The following PLCH2 variants were observed in gnomAD, a reference collection of about 807,000 sequenced individuals.
PLCH2 encodes the protein 1-phosphatidylinositol 4,5-bisphosphate phosphodiesterase eta-2.
In PLCH2, 98 loss-of-function variants were observed where a neutral mutation model predicts 134.7. The observed-to-expected ratio is 0.73, with a 90% CI of 0.62 to 0.86. The LOEUF is 0.86. Among genes scored for constraint, PLCH2 ranks in the 40% least tolerant of loss-of-function variants. PLCH2 has a pLI of 0.00. For synonymous variants in PLCH2, 974 were observed against 827.5 expected (o/e 1.18, Z -3.04); for missense variants, 1,994 against 1,986.6 (o/e 1.00, Z -0.07).
intron 5 of PLCH2, among the ~76,000 whole-genome samples, chr1:2,486,526 G>A (rs1285685435): frequency 6.6e-6 from 1 of 152,196 alleles, no homozygotes; most frequent in African/African-American, 2.4e-5. Context: ...ACAGTGGGAG[G>A]GGCTGGATGA....
intron 16 of PLCH2, chr1:2,497,966 G>A: frequency 3.4e-6 from 1 of 293,420 alleles, no homozygotes; most frequent in Non-Finnish European, 6.4e-6. Context: ...CCTGGGTCTG[G>A]GCTGGGTGTT....
Position 2,484,522 on chromosome 1 carries a change from C to A in PLCH2, c.720C>A (p.Thr240=). ...GTGCCTTCTACAAGATGATGTCCAC[C>A]CGCCGGGACCTCTACCTGCTCATGC... is the stretch of plus-strand genomic sequence containing the variant. ...EFCAFYKMMS[T]RRDLYLLMLT... Residue 240 remains threonine, a synonymous_variant, in exon 5 of 22, where the codon ACC becomes ACA. Coordinates refer to ENST00000378486, the MANE Select transcript of PLCH2 (RefSeq NM_014638.4). 6.2e-7 allele frequency: 1 copy of A among 1,613,338 alleles called. No homozygotes were observed. Among genetic ancestry groups the A allele is most frequent in the Non-Finnish European group, 8.5e-7 (1 of 1,179,792 alleles).
intron 2 of PLCH2, among the ~76,000 whole-genome samples, chr1:2,450,402 G>A (rs926931510): frequency 2.3e-4 from 35 of 151,940 alleles, no homozygotes; most frequent in Non-Finnish European, 4.7e-4. Flanking sequence ...GGGCTGGGCC[G>A]TCTGGGATGT....
At chr1:2,470,567 G>A (rs1161529710) in intron 1 of PLCH2, among the ~76,000 whole-genome samples, 2 of 152,308 alleles carry the variant, frequency 1.3e-5, no homozygotes, top group East Asian at 1.9e-4. Flanking sequence ...GCCCCGTGCC[G>A]GGACGGATGT....
Position 2,444,830 on chromosome 1 carries a change from C to T in PLCH2, c.115+14201C>T, listed in dbSNP as rs899728311. On this transcript the variant is annotated intron_variant, in intron 2 of 3. Coordinates refer to the PLCH2 transcript ENST00000609981. The surrounding 1 kb of genome is among the most constrained non-coding windows in gnomAD (Gnocchi z 4.6). Reference sequence around the variant, plus strand: ...TCGGTGTCCCCTTCGTCCCCTGACACGTTGGTCTGGGGAGGCGGGGTCACG... The same window carrying T: ...TCGGTGTCCCCTTCGTCCCCTGACATGTTGGTCTGGGGAGGCGGGGTCACG... 6.6e-6 allele frequency among the ~76,000 whole-genome samples: 1 copy of T among 152,012 alleles called. No homozygotes were observed. Among genetic ancestry groups the T allele is most frequent in the Non-Finnish European group, 1.5e-5 (1 of 67,998 alleles).
chr1:2,474,586 G>A (rs1220259845), upstream of PLCH2, among the ~76,000 whole-genome samples: 2 of 152,164 alleles, frequency 1.3e-5, no homozygotes, highest in Non-Finnish European at 2.9e-5. Flanking sequence ...CCCAGCTGAT[G>A]GGGGATCAGC....
chr1:2,484,918 G>A (rs4648639), intron 5 of PLCH2, among the ~76,000 whole-genome samples: 87,210 of 151,950 alleles, frequency 0.57, 25,391 homozygotes, highest in East Asian at 0.78. Context: ...AGGGGCCCCT[G>A]AATGGCTTGG....
upstream of PLCH2, among the ~76,000 whole-genome samples, chr1:2,425,409 G>C (rs1462126759): frequency 1.3e-5 from 2 of 152,172 alleles, no homozygotes; most frequent in African/African-American, 2.4e-5. Context: ...CGGCTGTTGT[G>C]AACAGTGTGG....
rs956753305 is a variant in PLCH2, at chr1:2,504,904, C to T, written c.3942C>T (p.Asp1314=). ...TCACTGTCTTCCAGCAGGCAGGAGA[C>T]ATCACGTCACCCACCAGCCTGGGCC... is the stretch of plus-strand genomic sequence containing the variant. ...RWLTVFQQAG[D]ITSPTSLGPA... is the part of the protein sequence containing the mutation. The change falls in exon 22 of 22, where the codon GAC becomes GAT. Residue 1314 remains aspartate, a synonymous_variant. Coordinates refer to ENST00000378486, the MANE Select transcript of PLCH2 (RefSeq NM_014638.4). 6.3e-7 allele frequency: 1 copy of T among 1,582,234 alleles called. No homozygotes were observed. Among genetic ancestry groups the T allele is most frequent in the African/African-American group, 1.3e-5 (1 of 74,536 alleles).
chr1:2,453,844 G>A (rs1215848598), intron 2 of PLCH2, among the ~76,000 whole-genome samples: 3 of 152,198 alleles, frequency 2.0e-5, no homozygotes, highest in East Asian at 3.9e-4. Flanking sequence ...ATGGCTTCCA[G>A]GGTCCCCAGG....
rs1639864206 is a variant in PLCH2, at chr1:2,444,776, G to A, written c.115+14147G>A. ...CCACTGGAACTGCCCTTCCCCCATG[G>A]CCTTCTCCCTCCAGGAGAATGGACC... On this transcript the variant is annotated intron_variant, in intron 2 of 3. Coordinates refer to the PLCH2 transcript ENST00000609981. The surrounding 1 kb of genome is among the most constrained non-coding windows in gnomAD (Gnocchi z 4.6). Among the ~76,000 whole-genome samples, 1 of 151,964 alleles carries A rather than the reference G, an allele frequency of 6.6e-6. No homozygotes were observed. Among genetic ancestry groups the A allele is most frequent in the African/African-American group, 2.4e-5 (1 of 41,350 alleles).
At chr1:2,489,181 C>G in intron 8 of PLCH2, 26 bp from the exon 9 acceptor site, 1 of 1,609,776 alleles carries the variant, frequency 6.2e-7, no homozygotes, top group Non-Finnish European at 8.5e-7. Context: ...TGGCCTCATC[C>G]TGCTCTTTCT....
chr1:2,431,071 C>A (rs1353118208), intron 2 of PLCH2, among the ~76,000 whole-genome samples: 4 of 152,170 alleles, frequency 2.6e-5, no homozygotes, highest in Non-Finnish European at 5.9e-5. Flanking sequence ...TGGAGCTGGT[C>A]CCCTGAGCTC....
chr1:2,492,340 TTTA>T (rs1463906864), intron 11 of PLCH2: 1 of 152,244 alleles, frequency 6.6e-6, no homozygotes. Context: ...GAGGCGTTCC[TTTA>T]TTTTTATCCC....
chr1:2,419,856 C>T, the PLCH2 span, among the ~76,000 whole-genome samples: 2 of 152,088 alleles, frequency 1.3e-5, no homozygotes, highest in Admixed American at 6.5e-5. Context: ...GACCCTCAAG[C>T]CAGCCCTGGG....
At chr1:2,503,082 C>A in intron 21 of PLCH2, 1 of 701,564 alleles carries the variant, frequency 1.4e-6, no homozygotes, top group Non-Finnish European at 2.6e-6. Flanking sequence ...GCCTGTGGCC[C>A]ATAGCCCCAG....
intron 1 of PLCH2, among the ~76,000 whole-genome samples, chr1:2,469,504 C>T (rs1243392129): frequency 6.6e-6 from 1 of 152,232 alleles, no homozygotes; most frequent in Non-Finnish European, 1.5e-5. Context: ...ACGATGGCGT[C>T]CCAGTTCCTG....
chr1:2,504,871 G>A lies in PLCH2; in HGVS notation c.3909G>A (p.Leu1303=), dbSNP rs1215056690. ...GVRRDTLTEQ[L]RWLTVFQQAG... is the part of the protein sequence containing the mutation. ...GACGGGACACCCTGACAGAGCAGCTGCGCTGGCTCACTGTCTTCCAGCAGG... is the reference window on the plus strand; with the variant it reads ...GACGGGACACCCTGACAGAGCAGCTACGCTGGCTCACTGTCTTCCAGCAGG... Residue 1303 remains leucine, a synonymous_variant, in exon 22 of 22, where the codon CTG becomes CTA. Coordinates refer to ENST00000378486, the MANE Select transcript of PLCH2 (RefSeq NM_014638.4). 4 of 1,595,104 alleles carry A rather than the reference G, an allele frequency of 2.5e-6. No homozygotes were observed. The highest frequency in any genetic ancestry group is 1.7e-4 in the Middle Eastern group (1 of 6,014).
Position 2,479,671 on chromosome 1 carries a change from G to A in PLCH2, c.272-63G>A, listed in dbSNP as rs890415558. The A allele has an allele frequency of 2.7e-6, 4 of 1,488,690 alleles. No homozygotes were observed. The African/African-American group carries it at 5.6e-5, about 21-fold the overall frequency. The allele number at this position is 1,488,690 out of a possible 1,614,324, so 92.2% of individuals were successfully genotyped here. ...GCTGCTTGGTCTCCGCAGTGTTGGGGCTGCCAGCAGGGGGACGCTGGGCCC... is the reference window on the plus strand; with the variant it reads ...GCTGCTTGGTCTCCGCAGTGTTGGGACTGCCAGCAGGGGGACGCTGGGCCC... On this transcript the variant is annotated intron_variant, in intron 2 of 21. Coordinates refer to ENST00000378486, the MANE Select transcript of PLCH2 (RefSeq NM_014638.4).
Sources: gnomAD v4.1 joint callset for allele counts (sites outside exome capture counted in the v4.1 genomes callset) on GRCh38, gnomAD v4.1.1 for gene constraint, Gnocchi (gnomAD v3.1) non-coding constraint, MANE v1.5 for transcripts, NCBI Gene and HGNC (gene_info 2026-07-23, HGNC 2026-07-21) for gene names.